GALC: variants seen among roughly 807,000 people sequenced by gnomAD.
GALC encodes galactocerebrosidase.
Under a neutral mutation model 91.8 loss-of-function variants are expected in GALC, and 77 were observed. That is an observed-to-expected ratio of 0.84 (90% CI 0.70 to 1.01). The LOEUF (loss-of-function observed/expected upper bound fraction) is 1.01, where lower values mean the gene tolerates loss of function less well. GALC is among the 50% of genes least tolerant of loss of function. The probability of loss-of-function intolerance (pLI) is 0.00; values close to 1 mark genes in which losing one functional copy is unlikely to be tolerated. For missense variants in GALC, 882 were observed against 855.9 expected, an observed-to-expected ratio of 1.03 and a Z score of -0.38; for synonymous variants, 357 against 306.7, an observed-to-expected ratio of 1.16 and a Z score of -1.71.
intron 10 of GALC, among the ~76,000 whole-genome samples, chr14:87,958,923 A>C (rs1885677136): frequency 6.6e-6 from 1 of 152,194 alleles, no homozygotes; most frequent in Non-Finnish European, 1.5e-5. Flanking sequence ...GCTTTATGAC[A>C]ATGAGCTGGG....
In GALC at chr14:87,968,404, T is replaced by C. The variant is rs1463589873; in HGVS notation, c.839A>G (p.Asn280Ser). The C allele has an allele frequency of 3.1e-6, 5 of 1,613,820 alleles. No individual in the cohort carries two copies. In the African/African-American group the frequency reaches 5.3e-5, roughly 17 times the overall value. ...CCAGCAGCCTGCACCCATGTCACTATTTAAAGTGCTAAAGTCTTCAGAAGA... is the reference window on the plus strand; with the variant it reads ...CCAGCAGCCTGCACCCATGTCACTACTTAAAGTGCTAAAGTCTTCAGAAGA... The part of the protein sequence containing the change: ...LWSSEDFSTL[N>S]SDMGAGCWGR... Residue 280 changes from asparagine to serine, a missense_variant, in exon 8 of 17, where the codon AAT (asparagine) becomes AGT (serine). Coordinates refer to ENST00000261304, the MANE Select transcript of GALC (RefSeq NM_000153.4).
intron 16 of GALC, among the ~76,000 whole-genome samples, chr14:87,935,511 T>G (rs1884533351): frequency 6.6e-6 from 1 of 152,008 alleles, no homozygotes; most frequent in Non-Finnish European, 1.5e-5. Flanking sequence ...AAGGGAGGCA[T>G]CTATAAGGTG....
chr14:87,936,921 T>TATATATATATATATATATATATATATA (rs1176265523), intron 16 of GALC, among the ~76,000 whole-genome samples: 27 of 141,148 alleles, frequency 1.9e-4, no homozygotes, highest in African/African-American at 5.1e-4. Flanking sequence ...TATTTATTTA[T>TATATATATATATATATATATATATATA]TTTCTCATTG....
chr14:87,969,831 C>T (rs901431782), intron 7 of GALC, among the ~76,000 whole-genome samples: 1 of 152,010 alleles, frequency 6.6e-6, no homozygotes, highest in Admixed American at 6.5e-5. Flanking sequence ...AATTTGGCAT[C>T]CCAGGATTTC....
chr14:87,980,210 G>A (rs1372439715), intron 6 of GALC, among the ~76,000 whole-genome samples: 2 of 151,940 alleles, frequency 1.3e-5, no homozygotes, highest in South Asian at 2.1e-4. Flanking sequence ...GTGAATCCCC[G>A]TCTCTACTAA....
At chr14:87,992,933 T>C in intron 1 of GALC, 37 bp downstream of exon 1, 1 of 1,495,592 alleles carries the variant, frequency 6.7e-7, no homozygotes, top group South Asian at 1.2e-5. Flanking sequence ...GGCGGGCTCT[T>C]GCCGCCCCCC....
At chr14:87,969,598 T>G (rs1180291122) in intron 7 of GALC, among the ~76,000 whole-genome samples, 1 of 152,236 alleles carries the variant, frequency 6.6e-6, no homozygotes, top group Non-Finnish European at 1.5e-5. Flanking sequence ...GTTTAAAAAT[T>G]ATTTACAAAA....
intron 16 of GALC, among the ~76,000 whole-genome samples, chr14:87,937,934 A>C (rs1193479586): frequency 6.6e-6 from 1 of 151,994 alleles, no homozygotes; most frequent in Non-Finnish European, 1.5e-5. Flanking sequence ...TGTTAAAAAA[A>C]AAAAAGTCAT....
intron 10 of GALC, chr14:87,954,815 A>T: frequency 6.2e-7 from 1 of 1,606,420 alleles, no homozygotes; most frequent in Non-Finnish European, 8.5e-7. Context: ...TTGGAACTAG[A>T]AACAGATAAG....
chr14:87,965,511 C>A lies in GALC; in HGVS notation c.1027G>T (p.Val343Leu), dbSNP rs753217734. The change falls in exon 9 of 17, where the codon GTA becomes TTA. Residue 343 changes from valine to leucine, a missense_variant. Val to Leu is a conservative substitution (Grantham distance 32). Transcript: ENST00000261304. Reference sequence around the variant, plus strand: ...AGATGGAACTGAACCATACCTGATACCCAGACAGGAGATTCTACCACGTAG... The same window carrying A: ...AGATGGAACTGAACCATACCTGATAACCAGACAGGAGATTCTACCACGTAG... Reference protein sequence around the residue: ...GHYVVESPVWVSAHTTQFTQP... With the variant: ...GHYVVESPVWLSAHTTQFTQP... The A allele has an allele frequency of 1.4e-5, 22 of 1,613,216 alleles. No individual in the cohort carries two copies. In the Admixed American group the frequency reaches 3.7e-4, roughly 27 times the overall value.
intron 4 of GALC, 80 bp downstream of exon 4, chr14:87,986,409 A>T: frequency 1.1e-6 from 1 of 875,548 alleles, no homozygotes; most frequent in Non-Finnish European, 1.9e-6. Flanking sequence ...CCGTATTAAT[A>T]GAGATTCCAC....
At chr14:87,978,349 C>T (rs942496948) in intron 6 of GALC, among the ~76,000 whole-genome samples, 30 of 152,194 alleles carry the variant, frequency 2.0e-4, no homozygotes, top group African/African-American at 5.8e-4. Flanking sequence ...TCCACCCGGC[C>T]TCTTTATTCT....
chr14:87,970,280 T>C (rs540183583), intron 7 of GALC, among the ~76,000 whole-genome samples: 7 of 152,314 alleles, frequency 4.6e-5, no homozygotes, highest in Admixed American at 2.0e-4. Context: ...AAGAAAACAC[T>C]GTAAAGTAAT....
chr14:87,983,647 A>T (rs1886840698), intron 5 of GALC, among the ~76,000 whole-genome samples: 1 of 152,248 alleles, frequency 6.6e-6, no homozygotes, highest in Non-Finnish European at 1.5e-5. Context: ...TATATTAATA[A>T]GCAAATGATT....
chr14:87,947,037 C>T (rs1885100727), intron 13 of GALC, among the ~76,000 whole-genome samples: 1 of 151,970 alleles, frequency 6.6e-6, no homozygotes, highest in African/African-American at 2.4e-5. Flanking sequence ...CCCTATTACT[C>T]TCCTGCTGCT....
intron 16 of GALC, 83 bp downstream of exon 16, chr14:87,939,822 C>T: frequency 2.0e-6 from 2 of 982,098 alleles, no homozygotes; most frequent in South Asian, 2.6e-5. Flanking sequence ...TCACACTTTC[C>T]CCCTCCTATT....
intron 1 of GALC, among the ~76,000 whole-genome samples, chr14:87,989,038 T>C (rs1018954731): frequency 6.6e-6 from 1 of 152,134 alleles, no homozygotes. Flanking sequence ...AAGAGTGGCA[T>C]CAGAATGCAT....
intron 14 of GALC, among the ~76,000 whole-genome samples, chr14:87,943,304 T>C (rs380557): frequency 0.5 from 75,453 of 151,792 alleles, 19,501 homozygotes; most frequent in African/African-American, 0.62. Context: ...ACTATCAAGA[T>C]AGAAGTAGCC....
intron 9 of GALC, among the ~76,000 whole-genome samples, 153 bp from the exon 10 acceptor site, chr14:87,963,664 A>G (rs1363562072): frequency 1.3e-5 from 2 of 152,170 alleles, no homozygotes; most frequent in Non-Finnish European, 2.9e-5. Context: ...CCTCATGTTT[A>G]AATTTTTAAA....
Sources: allele counts gnomAD v4.1 joint callset (sites outside exome capture counted in the v4.1 genomes callset), GRCh38; gene constraint gnomAD v4.1.1; transcripts MANE v1.5; gene names NCBI Gene and HGNC (gene_info 2026-07-23, HGNC 2026-07-21).